Variants in HIVEP3 observed in about 807,000 individuals in gnomAD.
HIVEP3 encodes the protein HIVEP zinc finger 3.
HIVEP3 carries 49 observed loss-of-function variants against 152.8 expected under a neutral mutation model. The ratio of observed to expected loss-of-function variants is 0.32; its 90% CI spans 0.26 to 0.41. The LOEUF (loss-of-function observed/expected upper bound fraction) is 0.41, where lower values mean the gene tolerates loss of function less well. Among genes scored for constraint, HIVEP3 ranks in the 10% least tolerant of loss-of-function variants. HIVEP3 has a pLI of 1.00. For missense variants in HIVEP3, 2,790 were observed against 3,103.3 expected (o/e 0.90, Z 2.40); for synonymous variants, 1,269 against 1,289.0 (o/e 0.98, Z 0.33).
At chr1:41,723,248 T>C (rs1388408531) in intron 1 of HIVEP3, among the ~76,000 whole-genome samples, 1 of 152,138 alleles carries the variant, frequency 6.6e-6, no homozygotes, top group Non-Finnish European at 1.5e-5. Context: ...CTTGAGTCAC[T>C]TGATTTTCCT....
At chr1:41,940,988 A>G (rs72949480) in intron 1 of HIVEP3, among the ~76,000 whole-genome samples, 10,642 of 152,198 alleles carry the variant, frequency 0.07, 1,232 homozygotes, top group African/African-American at 0.24. Context: ...CCCAAAAACC[A>G]CAAGAGGGAA....
At chr1:41,622,567 G>T (rs900941137) in intron 3 of HIVEP3, among the ~76,000 whole-genome samples, 2 of 152,198 alleles carry the variant, frequency 1.3e-5, no homozygotes, top group African/African-American at 4.8e-5. Context: ...ATCTGTGGTT[G>T]CTTCCAGGCT....
intron 1 of HIVEP3, among the ~76,000 whole-genome samples, chr1:41,961,809 A>G (rs987789504): frequency 6.6e-6 from 1 of 152,278 alleles, no homozygotes; most frequent in Non-Finnish European, 1.5e-5. Context: ...CTTATTATCA[A>G]TAACATTGTC....
At chr1:41,682,410 C>A (rs1269534797) in intron 2 of HIVEP3, among the ~76,000 whole-genome samples, 1 of 152,170 alleles carries the variant, frequency 6.6e-6, no homozygotes, top group Non-Finnish European at 1.5e-5. Context: ...TCCCTGTGCT[C>A]CCAGCCCCTG....
intron 3 of HIVEP3, among the ~76,000 whole-genome samples, chr1:41,620,466 G>A (rs995462773): frequency 2.1e-4 from 32 of 152,008 alleles, no homozygotes; most frequent in Non-Finnish European, 1.5e-5. Flanking sequence ...TCACCTGTCT[G>A]AGCACTTCTC....
intron 1 of HIVEP3, among the ~76,000 whole-genome samples, chr1:41,949,630 C>T (rs919682247): frequency 2.0e-5 from 3 of 152,148 alleles, no homozygotes; most frequent in African/African-American, 4.8e-5. Flanking sequence ...GGGGCCTCCT[C>T]AGCCAATGGA....
chr1:41,635,338 T>G lies in HIVEP3; in HGVS notation c.-720-6391A>C, dbSNP rs537684523. Among the ~76,000 whole-genome samples, 335 of 152,102 alleles carry G rather than the reference T, an allele frequency of 2.2e-3. 1 individual carries two copies. The highest frequency in any genetic ancestry group is 4.6e-3 in the South Asian group (22 of 4,822). On this transcript the variant is annotated intron_variant, in intron 2 of 8. Transcript: ENST00000372583. ...ATACAAAGCTTAGATGTTTTCATGA[T>G]AAATTAAGAAAGGTTGAAACTAAAT...
At position 41,579,963 on chromosome 1, in the gene HIVEP3, A is replaced by C. The variant is rs1448259780; in HGVS notation, c.4835T>G (p.Ile1612Ser). 1.9e-6 allele frequency: 3 copies of C among 1,614,238 alleles called. No homozygotes were observed. The highest frequency in any genetic ancestry group is 2.5e-6 in the Non-Finnish European group (3 of 1,180,044). Residue 1612 changes from isoleucine (I) to serine (S), a missense_variant, in exon 4 of 9, where the codon ATT (isoleucine) becomes AGT (serine). Around this residue, in one of 9 missense-constraint regions of HIVEP3, gnomAD observed 1,078 missense variants for 1,165.3 expected, o/e 0.93. Coordinates refer to ENST00000372583, the MANE Select transcript of HIVEP3 (RefSeq NM_024503.5). Reference sequence around the variant, plus strand: ...TGCATGCTGGATGTGATTTGGCTTAATGTAGTTTAAATAGCACCAACTGAC... The same window carrying C: ...TGCATGCTGGATGTGATTTGGCTTACTGTAGTTTAAATAGCACCAACTGAC... ...TNVSWCYLNY[I>S]KPNHIQHADR...
chr1:41,596,797 C>T (rs1338890463), intron 3 of HIVEP3, among the ~76,000 whole-genome samples: 1 of 152,106 alleles, frequency 6.6e-6, no homozygotes, highest in Non-Finnish European at 1.5e-5. Flanking sequence ...CCCCCAAGGG[C>T]CCTGATCTTG....
chr1:41,927,210 C>A (rs1210710578), intron 1 of HIVEP3, among the ~76,000 whole-genome samples: 2 of 152,162 alleles, frequency 1.3e-5, no homozygotes, highest in Non-Finnish European at 2.9e-5. Flanking sequence ...CTGGTGAGAT[C>A]CTCCTTTGGG....
At chr1:41,881,502 T>A (rs1644261207) in intron 1 of HIVEP3, among the ~76,000 whole-genome samples, 1 of 152,220 alleles carries the variant, frequency 6.6e-6, no homozygotes, top group South Asian at 2.1e-4. Flanking sequence ...TTAGTCAAAT[T>A]TTCTGGTAAA....
At chr1:41,957,925 C>T (rs1645148567) in intron 1 of HIVEP3, among the ~76,000 whole-genome samples, 1 of 152,228 alleles carries the variant, frequency 6.6e-6, no homozygotes, top group South Asian at 2.1e-4. Flanking sequence ...CACATGCAAT[C>T]AACCACAGGT....
At chr1:41,644,535 C>G (rs773799184) in intron 2 of HIVEP3, among the ~76,000 whole-genome samples, 1 of 152,068 alleles carries the variant, frequency 6.6e-6, no homozygotes, top group Admixed American at 6.5e-5. Flanking sequence ...ACAGAGAGAA[C>G]GATGTGTCTT....
rs533164202 is a variant in HIVEP3, at chr1:41,739,203, C to G, written c.-800-38208G>C. Among the ~76,000 whole-genome samples the G allele has an allele frequency of 4.6e-5, 7 of 152,350 alleles. No individual in the cohort carries two copies. In the East Asian group the frequency reaches 1.4e-3, roughly 29 times the overall value. ...AGACGGCTGGGGGTTTCCGGGCAGC[C>G]TGGAGTAGGATTTCAACATCTCAAG... On this transcript the variant is annotated intron_variant, in intron 1 of 8. Coordinates refer to ENST00000372583, the MANE Select transcript of HIVEP3 (RefSeq NM_024503.5).
intron 1 of HIVEP3, among the ~76,000 whole-genome samples, chr1:42,032,744 G>C (rs1645620111): frequency 6.6e-6 from 1 of 151,900 alleles, no homozygotes; most frequent in African/African-American, 2.4e-5. Flanking sequence ...TGCCTTCCAG[G>C]GTCCATTCCT....
intron 1 of HIVEP3, among the ~76,000 whole-genome samples, chr1:41,834,667 T>G (rs934351952): frequency 4.6e-5 from 7 of 152,196 alleles, no homozygotes; most frequent in African/African-American, 1.7e-4. Flanking sequence ...AGGCACTATT[T>G]GGGGATTCAG....
chr1:41,543,036 T>C (rs769215032), intron 5 of HIVEP3: 2 of 152,204 alleles, frequency 1.3e-5, no homozygotes, highest in African/African-American at 2.4e-5. Context: ...TTGACAAACA[T>C]GAAGCAGGAA....
At chr1:41,655,011 C>G (rs1474128745) in intron 2 of HIVEP3, among the ~76,000 whole-genome samples, 2 of 152,174 alleles carry the variant, frequency 1.3e-5, no homozygotes, top group South Asian at 2.1e-4. Context: ...ATTTTGAAGG[C>G]TTAAAGCCCT....
chr1:41,867,929 C>T (rs1557465463), intron 1 of HIVEP3, among the ~76,000 whole-genome samples: 1 of 140,934 alleles, frequency 7.1e-6, no homozygotes, highest in South Asian at 2.6e-4. Context: ...TCTGCCCTCC[C>T]CCCTCCCCTT....
Sources: allele counts gnomAD v4.1 joint callset (sites outside exome capture counted in the v4.1 genomes callset), GRCh38; gene constraint gnomAD v4.1.1; regional missense constraint gnomAD v4.1.1; transcripts MANE v1.5; gene names NCBI Gene and HGNC (gene_info 2026-07-23, HGNC 2026-07-21).